The following PRR11 variants were observed in gnomAD, a reference collection of about 807,000 sequenced individuals.
PRR11 encodes the protein proline rich 11.
PRR11 carries 30 observed loss-of-function variants against 45.6 expected under a neutral mutation model. The observed-to-expected ratio is 0.66, with a 90% CI of 0.49 to 0.89. The LOEUF (loss-of-function observed/expected upper bound fraction) is 0.89, where lower values mean the gene tolerates loss of function less well. Ranked by LOEUF, PRR11 falls within the 40% of genes least tolerant of loss-of-function variation. The probability of loss-of-function intolerance (pLI) is 0.00; values close to 1 mark genes in which losing one functional copy is unlikely to be tolerated. For synonymous variants in PRR11, 128 were observed against 153.5 expected (o/e 0.83, Z 1.23); for missense variants, 373 against 424.8 (o/e 0.88, Z 1.07).
At chr17:59,188,047 G>A (rs949180181) in intron 4 of PRR11, among the ~76,000 whole-genome samples, 6 of 151,940 alleles carry the variant, frequency 3.9e-5, no homozygotes, top group Non-Finnish European at 7.4e-5. Flanking sequence ...ATCTCATTTC[G>A]CTAAAACATA....
At position 59,201,863 on chromosome 17, in the gene PRR11, C is replaced by T. The variant is rs1599710447; in HGVS notation, c.*232C>T. 8.8e-6 allele frequency: 4 copies of T among 453,808 alleles called. No homozygotes were observed. Among genetic ancestry groups the T allele is most frequent in the African/African-American group, 2.0e-5 (1 of 50,438 alleles). The allele number at this position is 453,808 out of a possible 1,614,324, so 28.1% of individuals were successfully genotyped here. A position where few individuals can be genotyped will look rare whatever the true frequency, so the allele number is the denominator to read the frequency against. On this transcript the variant is annotated 3_prime_UTR_variant, in exon 10 of 10. Coordinates refer to ENST00000262293, the MANE Select transcript of PRR11 (RefSeq NM_018304.4). ...GCGGGTGCCTGTAATCCCAGCTATG[C>T]GGGAGGCTAAGGCAGGAGAATTGCT... is the stretch of plus-strand genomic sequence containing the variant.
intron 4 of PRR11, among the ~76,000 whole-genome samples, chr17:59,190,329 G>A (rs2046835116): frequency 6.6e-6 from 1 of 152,020 alleles, no homozygotes; most frequent in African/African-American, 2.4e-5. Context: ...AAAATTAGCT[G>A]GGCGTGTTGT....
At chr17:59,182,518 A>T (rs1488450572) in intron 2 of PRR11, among the ~76,000 whole-genome samples, 1 of 148,822 alleles carries the variant, frequency 6.7e-6, no homozygotes, top group Admixed American at 6.7e-5. Flanking sequence ...CAGCCTCCCA[A>T]ATAGCTGGGA....
intron 1 of PRR11, among the ~76,000 whole-genome samples, chr17:59,167,706 A>T (rs1314666723): frequency 2.6e-5 from 4 of 152,166 alleles, no homozygotes. Flanking sequence ...TAGACTATAT[A>T]GGGTAACTTC....
chr17:59,201,622 A>G lies in PRR11; in HGVS notation c.1074A>G (p.Glu358=), dbSNP rs2046892960. 1.9e-6 allele frequency: 3 copies of G among 1,613,686 alleles called. No individual in the cohort carries two copies. The highest frequency in any genetic ancestry group is 2.5e-6 in the Non-Finnish European group (3 of 1,179,938). Residue 358 remains glutamate (E), a synonymous_variant, in exon 10 of 10, where the codon GAA becomes GAG. Coordinates refer to ENST00000262293, the MANE Select transcript of PRR11 (RefSeq NM_018304.4). The part of the protein sequence containing the change: ...TLPLSTSSFD[E]QN Reference sequence around the variant, plus strand: ...CACTTTCTACAAGCAGCTTTGATGAACAAAACTGATGCCAACTCTGCCTCA... The same window carrying G: ...CACTTTCTACAAGCAGCTTTGATGAGCAAAACTGATGCCAACTCTGCCTCA...
intron 3 of PRR11, 74 bp from the exon 4 acceptor site, chr17:59,185,366 C>A: frequency 1.3e-6 from 2 of 1,543,390 alleles, no homozygotes; most frequent in East Asian, 2.3e-5. Flanking sequence ...TACATCAAGT[C>A]ACTTTCTGGT....
chr17:59,175,045 G>A (rs1487904923), intron 2 of PRR11: 5 of 619,968 alleles, frequency 8.1e-6, no homozygotes, highest in Non-Finnish European at 1.4e-5. Context: ...AAGGGTATCT[G>A]GGAGTGGTTC....
chr17:59,157,924 T>C (rs775072139), intron 1 of PRR11, among the ~76,000 whole-genome samples: 2 of 152,194 alleles, frequency 1.3e-5, no homozygotes, highest in African/African-American at 2.4e-5. Flanking sequence ...TATTTGGTGT[T>C]TAGTATACCT....
chr17:59,186,425 T>A, intron 4 of PRR11, among the ~76,000 whole-genome samples: 1 of 124,674 alleles, frequency 8.0e-6, no homozygotes, highest in Non-Finnish European at 1.6e-5. Context: ...AGACAGAATC[T>A]CACTCTGTTA....
chr17:59,170,397 ATTT>A (rs2046701846), intron 2 of PRR11, among the ~76,000 whole-genome samples: 1 of 151,940 alleles, frequency 6.6e-6, no homozygotes, highest in Admixed American at 6.6e-5. Context: ...TTTTATTTTA[ATTT>A]TTATTTATTT....
In PRR11 at chr17:59,193,646, C is replaced by T; in HGVS notation, c.557C>T (p.Pro186Leu). The change falls in exon 5 of 10, where the codon CCT (proline) becomes CTT (leucine). Residue 186 changes from proline (P) to leucine (L), a missense_variant. By Grantham distance (98) the Pro-to-Leu change is moderately conservative. Coordinates refer to ENST00000262293, the MANE Select transcript of PRR11 (RefSeq NM_018304.4). ...TLPQPASHFP[P>L]PPPPPPLPPP... is the part of the protein sequence containing the mutation. The stretch of plus-strand genomic sequence containing the variant: ...CCACAGCCAGCCAGCCATTTTCCTC[C>T]TCCTCCTCCACCTCCACCTCTGCCA... 2.5e-6 allele frequency: 4 copies of T among 1,614,146 alleles called. No individual in the cohort carries two copies. In the South Asian group the frequency reaches 3.3e-5, roughly 13 times the overall value.
intron 1 of PRR11, among the ~76,000 whole-genome samples, chr17:59,159,079 C>T (rs996911134): frequency 1.3e-5 from 2 of 152,222 alleles, no homozygotes; most frequent in African/African-American, 4.8e-5. Flanking sequence ...CTCAGTCTCC[C>T]AAAGTGCTGG....
In PRR11 at chr17:59,182,028, T is replaced by G. The variant is rs1015107272; in HGVS notation, c.129-3026T>G. Reference sequence around the variant, plus strand: ...TTTTGCTTGTTTTTTTGTTATTGGTTTTTTTTTTTTTTGTTTCGAGACAGA... The same window carrying G: ...TTTTGCTTGTTTTTTTGTTATTGGTGTTTTTTTTTTTTGTTTCGAGACAGA... On this transcript the variant is annotated intron_variant, in intron 2 of 9. Coordinates refer to ENST00000262293, the MANE Select transcript of PRR11 (RefSeq NM_018304.4). 3.2e-4 allele frequency among the ~76,000 whole-genome samples: 4 copies of G among 12,676 alleles called. No homozygotes were observed. The African/African-American group carries it at 5.0e-3, about 16-fold the overall frequency. The allele number at this position is 12,676 out of a possible 152,430, so 8.3% of individuals were successfully genotyped here. A position where few individuals can be genotyped will look rare whatever the true frequency, so the allele number is the denominator to read the frequency against.
intron 2 of PRR11, among the ~76,000 whole-genome samples, 198 bp from the exon 3 acceptor site, chr17:59,184,856 T>G (rs1027244547): frequency 4.3e-5 from 6 of 140,392 alleles, no homozygotes; most frequent in African/African-American, 1.3e-4. Context: ...TTAAGTTTTT[T>G]TTTTTTTTTT....
chr17:59,175,013 C>A lies in PRR11; in HGVS notation c.128+5133C>A. ...CCCTCCAGCGCATGGAACGGAAGAA[C>A]TGGAACCGAAGTTTATGGAACAAGG... On this transcript the variant is annotated intron_variant, in intron 2 of 9. Coordinates refer to ENST00000262293, the MANE Select transcript of PRR11 (RefSeq NM_018304.4). 8.7e-6 allele frequency: 6 copies of A among 693,270 alleles called. No homozygotes were observed. The Admixed American group carries it at 1.0e-4, about 12-fold the overall frequency. The allele number at this position is 693,270 out of a possible 1,614,324, so 42.9% of individuals were successfully genotyped here.
chr17:59,189,254 C>T (rs916609259), intron 4 of PRR11, among the ~76,000 whole-genome samples: 10 of 151,404 alleles, frequency 6.6e-5, no homozygotes, highest in Admixed American at 3.3e-4. Context: ...GAGTTGTGAT[C>T]GTGCCACTGC....
chr17:59,197,526 A>G lies in PRR11; in HGVS notation c.858-18A>G. 1.2e-6 allele frequency: 2 copies of G among 1,610,888 alleles called. No homozygotes were observed. The highest frequency in any genetic ancestry group is 1.1e-5 in the South Asian group (1 of 90,978). ...TCAGCCTCCCAAAGTTCTAATTTTT[A>G]TATCTTTGTTTTATCAGCACTCCTG... On this transcript the variant is annotated intron_variant, in intron 7 of 9. Coordinates refer to ENST00000262293, the MANE Select transcript of PRR11 (RefSeq NM_018304.4).
At chr17:59,188,664 C>T (rs1238188098) in intron 4 of PRR11, among the ~76,000 whole-genome samples, 2 of 152,008 alleles carry the variant, frequency 1.3e-5, no homozygotes, top group African/African-American at 2.4e-5. Context: ...AATGGCCAGG[C>T]GTGGTGGCTC....
intron 1 of PRR11, among the ~76,000 whole-genome samples, chr17:59,158,978 C>T (rs1321512269): frequency 6.6e-6 from 1 of 152,194 alleles, no homozygotes; most frequent in African/African-American, 2.4e-5. Flanking sequence ...CTCCACCACA[C>T]CTGGCTAATT....
Sources: gnomAD v4.1 joint callset for allele counts (sites outside exome capture counted in the v4.1 genomes callset) on GRCh38, gnomAD v4.1.1 for gene constraint, MANE v1.5 for transcripts, NCBI Gene and HGNC (gene_info 2026-07-23, HGNC 2026-07-21) for gene names.